Variants in MED13 observed in about 807,000 individuals in gnomAD.
MED13 encodes mediator of RNA polymerase II transcription subunit 13.
MED13 carries 23 observed loss-of-function variants against 225.2 expected under a neutral mutation model. The observed-to-expected ratio is 0.10, with a 90% CI of 0.07 to 0.14. The LOEUF (loss-of-function observed/expected upper bound fraction) is 0.14. MED13 is among the 10% of genes least tolerant of loss of function. The pLI is 1.00. For missense variants in MED13, 2,197 were observed against 2,594.5 expected (o/e 0.85, Z 3.33); for synonymous variants, 942 against 889.2 (o/e 1.06, Z -1.06).
At chr17:61,986,224 G>C (rs2080246441) in intron 12 of MED13, among the ~76,000 whole-genome samples, 1 of 152,044 alleles carries the variant, frequency 6.6e-6, no homozygotes, top group East Asian at 1.9e-4. Flanking sequence ...AAAAGTTTAT[G>C]TATCTGCAAT....
At chr17:62,040,085 A>G (rs1490420777) in intron 3 of MED13, among the ~76,000 whole-genome samples, 1 of 152,176 alleles carries the variant, frequency 6.6e-6, no homozygotes, top group African/African-American at 2.4e-5. Flanking sequence ...CGAAATCCTT[A>G]TATTAAAGGC....
chr17:61,997,165 C>CT (rs1002928517), intron 9 of MED13, among the ~76,000 whole-genome samples: 3 of 152,138 alleles, frequency 2.0e-5, no homozygotes, highest in African/African-American at 7.2e-5. Flanking sequence ...TCACTAATGC[C>CT]TAACACTAGT....
intron 3 of MED13, 36 bp downstream of exon 3, chr17:62,052,501 T>C: frequency 6.8e-7 from 1 of 1,466,472 alleles, no homozygotes; most frequent in Non-Finnish European, 9.2e-7. Flanking sequence ...GGAACAAATC[T>C]AAAGAAATAT....
intron 19 of MED13, among the ~76,000 whole-genome samples, chr17:61,966,250 G>A (rs928024247): frequency 1.3e-5 from 2 of 152,152 alleles, no homozygotes; most frequent in Non-Finnish European, 1.5e-5. Flanking sequence ...AACTTGTTCT[G>A]TAAAGGGTCA....
At position 61,994,004 on chromosome 17, in the gene MED13, AT is replaced by A. The variant is rs1290224109; in HGVS notation, c.2181+1147del. ...CCTTTTCATAACTTTACAGATTTCA[AT>A]TTTTTTTTTTTTTAAACGGAGTATT... On this transcript the variant is annotated intron_variant, in intron 10 of 29. Transcript: ENST00000397786. Among the ~76,000 whole-genome samples the A allele has an allele frequency of 3.0e-3, 435 of 145,814 alleles. 1 individual carries two copies. Among genetic ancestry groups the A allele is most frequent in the Middle Eastern group, 7.1e-3 (2 of 280 alleles).
At chr17:61,996,304 C>A (rs994562610) in intron 9 of MED13, among the ~76,000 whole-genome samples, 1 of 152,172 alleles carries the variant, frequency 6.6e-6, no homozygotes, top group African/African-American at 2.4e-5. Flanking sequence ...TTTAGACTCT[C>A]AAATTCCTAT....
chr17:62,042,868 G>C (rs1327939754), intron 3 of MED13, among the ~76,000 whole-genome samples: 2 of 150,446 alleles, frequency 1.3e-5, no homozygotes, highest in African/African-American at 4.9e-5. Context: ...CGGTAAGAAA[G>C]GCTGGGCATG....
Position 62,020,872 on chromosome 17 carries a change from T to C in MED13, c.1283+8669A>G, listed in dbSNP as rs568829098. Among the ~76,000 whole-genome samples the C allele has an allele frequency of 5.7e-3, 864 of 151,864 alleles. 7 individuals are homozygous for C. The highest frequency in any genetic ancestry group is 0.02 in the African/African-American group (827 of 41,350). On this transcript the variant is annotated intron_variant, in intron 8 of 29. Transcript: ENST00000397786. ...GTTTGTGTCCCTGGGTACTTGAGAT[T>C]AGGGAGTGGTGATGACTCTTAATGA...
intron 8 of MED13, among the ~76,000 whole-genome samples, chr17:62,028,482 C>T (rs1460521642): frequency 6.6e-6 from 1 of 151,996 alleles, no homozygotes; most frequent in African/African-American, 2.4e-5. Context: ...ATCTATACAG[C>T]AAACCCTTGT....
chr17:62,042,673 G>C (rs2080863669), intron 3 of MED13, among the ~76,000 whole-genome samples: 1 of 150,820 alleles, frequency 6.6e-6, no homozygotes, highest in Non-Finnish European at 1.5e-5. Context: ...TTGTTTTTAA[G>C]TATTATGGTT....
chr17:61,970,952 G>A (rs926568790), intron 17 of MED13, among the ~76,000 whole-genome samples: 3 of 151,842 alleles, frequency 2.0e-5, no homozygotes, highest in African/African-American at 4.8e-5. Flanking sequence ...TTGGACCCAG[G>A]AGGTTATGGC....
At position 61,968,365 on chromosome 17, in the gene MED13, G is replaced by A. The variant is rs891899007; in HGVS notation, c.3968-107C>T. On this transcript the variant is annotated intron_variant, in intron 17 of 29. Transcript: ENST00000397786. ...TTTTGAGACAGAGTCTCGCTCTGTC[G>A]CCCAGACTGGAGTGCAGTGGCGCCA... is the stretch of plus-strand genomic sequence containing the variant. The A allele has an allele frequency of 3.5e-5, 29 of 825,004 alleles. No homozygotes were observed. In the Middle Eastern group the frequency reaches 1.2e-3, roughly 35 times the overall value. 51.1% of individuals were successfully genotyped at this position (825,004 alleles called of 1,614,324 possible).
At chr17:62,041,965 A>G (rs1348870521) in intron 3 of MED13, among the ~76,000 whole-genome samples, 1 of 152,212 alleles carries the variant, frequency 6.6e-6, no homozygotes, top group Non-Finnish European at 1.5e-5. Flanking sequence ...AGGATCTTCT[A>G]AAATTTCCAA....
intron 28 of MED13, among the ~76,000 whole-genome samples, chr17:61,947,303 G>T (rs1295158915): frequency 2.6e-5 from 4 of 151,686 alleles, no homozygotes; most frequent in African/African-American, 9.7e-5. Context: ...AAAGTGCTGG[G>T]ATTACACGCA....
intron 9 of MED13, 71 bp downstream of exon 9, chr17:62,010,479 G>A (rs2080496014): frequency 2.1e-6 from 2 of 947,752 alleles, no homozygotes; most frequent in Non-Finnish European, 2.9e-6. Context: ...CCAATACTGA[G>A]TCCTAGTATT....
chr17:62,013,425 A>G (rs1208232034), intron 8 of MED13, among the ~76,000 whole-genome samples: 1 of 152,166 alleles, frequency 6.6e-6, no homozygotes, highest in Non-Finnish European at 1.5e-5. Flanking sequence ...GAATAAAAGA[A>G]AACCATATTA....
chr17:62,052,579 A>T lies in MED13; in HGVS notation c.428T>A (p.Phe143Tyr). The T allele has an allele frequency of 6.3e-7, 1 of 1,597,804 alleles. No homozygotes were observed. The highest frequency in any genetic ancestry group is 8.5e-7 in the Non-Finnish European group (1 of 1,171,592). The change falls in exon 3 of 30, where the codon TTT becomes TAT. Residue 143 changes from phenylalanine to tyrosine, a missense_variant. By Grantham distance (22) the Phe-to-Tyr change is conservative (BLOSUM62 3). Coordinates refer to ENST00000397786, the MANE Select transcript of MED13 (RefSeq NM_005121.3). The stretch of plus-strand genomic sequence containing the variant: ...TTCATCTTTTTCATAAGGCTTTACA[A>T]ACCACTTGCCAATACGTACAAAATT... Reference protein sequence around the residue: ...NRNFVRIGKWFVKPYEKDEKP... With the variant: ...NRNFVRIGKWYVKPYEKDEKP...
intron 3 of MED13, among the ~76,000 whole-genome samples, chr17:62,049,741 C>T (rs1483306384): frequency 4.0e-5 from 6 of 151,270 alleles, no homozygotes; most frequent in East Asian, 3.9e-4. Flanking sequence ...ACCATCCTGG[C>T]TACATGGTGA....
In MED13 at chr17:62,060,286, C is replaced by A. The variant is rs183509754; in HGVS notation, c.301+2781G>T. 2.3e-3 allele frequency among the ~76,000 whole-genome samples: 354 copies of A among 151,322 alleles called. 1 individual carries two copies. Among genetic ancestry groups the A allele is most frequent in the African/African-American group, 8.2e-3 (340 of 41,268 alleles). ...CCAGCCTGGGCGACAAAGCAAGACTCCATCTCAAAAAAAAAGCTATTTACC... is the reference window on the plus strand; with the variant it reads ...CCAGCCTGGGCGACAAAGCAAGACTACATCTCAAAAAAAAAGCTATTTACC... On this transcript the variant is annotated intron_variant, in intron 2 of 29. Coordinates refer to ENST00000397786, the MANE Select transcript of MED13 (RefSeq NM_005121.3).
Sources: allele counts gnomAD v4.1 joint callset (sites outside exome capture counted in the v4.1 genomes callset), GRCh38; gene constraint gnomAD v4.1.1; transcripts MANE v1.5; gene names NCBI Gene and HGNC (gene_info 2026-07-23, HGNC 2026-07-21).